GRM7: variants seen among roughly 807,000 people sequenced by gnomAD.
The protein encoded by GRM7 is glutamate metabotropic receptor 7, also known as metabotropic glutamate receptor 7.
In GRM7, 35 loss-of-function variants were observed where a neutral mutation model predicts 84.5. The ratio of observed to expected loss-of-function variants is 0.41; its 90% CI spans 0.32 to 0.55. The LOEUF (loss-of-function observed/expected upper bound fraction) is 0.55. GRM7 is among the 20% of genes least tolerant of loss of function. The pLI is 0.19. For missense variants in GRM7, 1,003 were observed against 1,194.6 expected, an observed-to-expected ratio of 0.84 and a Z score of 2.36; for synonymous variants, 487 against 455.1, an observed-to-expected ratio of 1.07 and a Z score of -0.89.
At chr3:7,587,628 AGT>A in intron 8 of GRM7, among the ~76,000 whole-genome samples, 1 of 152,330 alleles carries the variant, frequency 6.6e-6, no homozygotes, top group South Asian at 2.1e-4. Context: ...TTTATAGGAT[AGT>A]GGTGTGACAC....
rs557923520 is a variant in GRM7, at chr3:6,929,542, T to C, written c.519+67635T>C. ...GCTGTCTTTTTACTTTATTTTTTTT[T>C]CCCAGGGACAAGAGAATAGAATTAT... On this transcript the variant is annotated intron_variant, in intron 1 of 9. Coordinates refer to ENST00000357716, the MANE Select transcript of GRM7 (RefSeq NM_000844.4). Among the ~76,000 whole-genome samples, 87 of 152,226 alleles carry C rather than the reference T, an allele frequency of 5.7e-4. No individual in the cohort carries two copies. In the South Asian group the frequency reaches 0.013, roughly 24 times the overall value.
In GRM7 at chr3:7,188,819, A is replaced by T. The variant is rs1695610204; in HGVS notation, c.736+42151A>T. Reference sequence around the variant, plus strand: ...CCCTGATATTCTGTAGTGACTCATGATCATTGCATCCAAGCAGTGAAGGGA... The same window carrying T: ...CCCTGATATTCTGTAGTGACTCATGTTCATTGCATCCAAGCAGTGAAGGGA... On this transcript the variant is annotated intron_variant, in intron 2 of 9. Coordinates refer to ENST00000357716, the MANE Select transcript of GRM7 (RefSeq NM_000844.4). This position sits in a 1 kb window ranked among gnomAD's most constrained non-coding sequence, Gnocchi z 4.2. 6.6e-6 allele frequency among the ~76,000 whole-genome samples: 1 copy of T among 152,162 alleles called. No individual in the cohort carries two copies. Among genetic ancestry groups the T allele is most frequent in the Admixed American group, 6.5e-5 (1 of 15,280 alleles).
At chr3:6,895,475 C>T (rs1187942036) in intron 1 of GRM7, among the ~76,000 whole-genome samples, 1 of 152,076 alleles carries the variant, frequency 6.6e-6, no homozygotes, top group East Asian at 1.9e-4. Context: ...TTATTTTTTT[C>T]TTCAACTTTA....
intron 1 of GRM7, among the ~76,000 whole-genome samples, chr3:7,100,713 C>T (rs116213350): frequency 4.5e-4 from 68 of 151,818 alleles, no homozygotes; most frequent in Non-Finnish European, 7.7e-4. Context: ...TGTATACACC[C>T]ATATAATCAT....
At chr3:7,067,056 G>A (rs1200490938) in intron 1 of GRM7, among the ~76,000 whole-genome samples, 2 of 151,884 alleles carry the variant, frequency 1.3e-5, no homozygotes, top group African/African-American at 2.4e-5. Context: ...CAAACCGACA[G>A]CCAACATAAT....
intron 4 of GRM7, among the ~76,000 whole-genome samples, chr3:7,333,971 A>G (rs1575181085): frequency 1.3e-5 from 2 of 152,056 alleles, no homozygotes. Flanking sequence ...GATTATGTTA[A>G]ATGACCAAAC....
At chr3:7,054,985 G>A (rs758341801) in intron 1 of GRM7, among the ~76,000 whole-genome samples, 4 of 151,932 alleles carry the variant, frequency 2.6e-5, no homozygotes, top group South Asian at 2.1e-4. Flanking sequence ...GGAAATATAC[G>A]TATGTTCCAG....
At chr3:7,184,236 T>G (rs919936842) in intron 2 of GRM7, among the ~76,000 whole-genome samples, 1 of 152,116 alleles carries the variant, frequency 6.6e-6, no homozygotes, top group African/African-American at 2.4e-5. Flanking sequence ...AGCTATTCCC[T>G]TCTCCGAAAA....
At chr3:7,311,033 A>G (rs961986783) in intron 4 of GRM7, among the ~76,000 whole-genome samples, 1 of 152,188 alleles carries the variant, frequency 6.6e-6, no homozygotes, top group Non-Finnish European at 1.5e-5. Flanking sequence ...TCTGTCACAT[A>G]TAATTAGTTA....
At chr3:7,014,977 C>T (rs534243354) in intron 1 of GRM7, among the ~76,000 whole-genome samples, 151 of 152,250 alleles carry the variant, frequency 9.9e-4, no homozygotes, top group Non-Finnish European at 1.6e-3. Context: ...AATCAGTGCT[C>T]TGTGGCTAGT....
At chr3:6,994,925 C>A (rs1044110857) in intron 1 of GRM7, among the ~76,000 whole-genome samples, 1 of 152,132 alleles carries the variant, frequency 6.6e-6, no homozygotes, top group Non-Finnish European at 1.5e-5. Flanking sequence ...ATTTCCAGTT[C>A]TTCACGGGCT....
intron 7 of GRM7, among the ~76,000 whole-genome samples, chr3:7,569,084 C>A (rs1473581657): frequency 2.0e-5 from 3 of 152,186 alleles, no homozygotes; most frequent in African/African-American, 7.2e-5. Context: ...ACTTGGAGAA[C>A]CTTTATGTCT....
intron 7 of GRM7, among the ~76,000 whole-genome samples, chr3:7,558,990 T>C (rs1363170763): frequency 1.3e-5 from 2 of 152,162 alleles, no homozygotes; most frequent in Non-Finnish European, 2.9e-5. Flanking sequence ...TTAACCCTAA[T>C]AGAATTATTT....
chr3:6,933,810 G>A (rs1697592423), intron 1 of GRM7, among the ~76,000 whole-genome samples: 1 of 151,450 alleles, frequency 6.6e-6, no homozygotes, highest in African/African-American at 2.4e-5. Context: ...TGGTAATCAG[G>A]GCTTGATCCT....
At chr3:6,879,418 A>G (rs186670422) in intron 1 of GRM7, among the ~76,000 whole-genome samples, 4 of 152,288 alleles carry the variant, frequency 2.6e-5, no homozygotes, top group Admixed American at 2.0e-4. Flanking sequence ...TTTGAAATTT[A>G]TTCTCTTATT....
chr3:6,961,141 C>T (rs1481738661), intron 1 of GRM7, among the ~76,000 whole-genome samples: 1 of 152,182 alleles, frequency 6.6e-6, no homozygotes, highest in African/African-American at 2.4e-5. Context: ...CCACTCATTC[C>T]TTTGGAAATA....
At chr3:7,300,603 C>G (rs1699964449) in intron 3 of GRM7, among the ~76,000 whole-genome samples, 1 of 152,088 alleles carries the variant, frequency 6.6e-6, no homozygotes, top group Non-Finnish European at 1.5e-5. Flanking sequence ...TGATTTGCTA[C>G]TGTAGGCACA....
chr3:7,377,103 C>G lies in GRM7; in HGVS notation c.1034-37920C>G, dbSNP rs141039849. On this transcript the variant is annotated intron_variant, in intron 4 of 9. Transcript: ENST00000357716. ...ATGAAGATGTCAGATGCACTAACTA[C>G]TTATTTTTCTTTGGCAAACTCATTG... 3.7e-3 allele frequency among the ~76,000 whole-genome samples: 566 copies of G among 152,324 alleles called. 1 individual carries two copies. Among genetic ancestry groups the G allele is most frequent in the African/African-American group, 0.013 (547 of 41,580 alleles).
chr3:7,626,923 TC>T (rs1207938047), intron 8 of GRM7, among the ~76,000 whole-genome samples: 33 of 76,670 alleles, frequency 4.3e-4, no homozygotes, highest in Non-Finnish European at 8.5e-4. Flanking sequence ...CATGAGCACC[TC>T]TTTTTTTTTT....
Sources: allele counts gnomAD v4.1 joint callset (sites outside exome capture counted in the v4.1 genomes callset), GRCh38; gene constraint gnomAD v4.1.1; non-coding constraint Gnocchi (gnomAD v3.1); transcripts MANE v1.5; gene names NCBI Gene and HGNC (gene_info 2026-07-23, HGNC 2026-07-21).